LIN7A: variants seen among roughly 807,000 people sequenced by gnomAD.
LIN7A encodes the protein lin-7 cell polarity scaffold A.
In LIN7A, 25 loss-of-function variants were observed where a neutral mutation model predicts 29.8. The observed-to-expected ratio is 0.84, with a 90% CI of 0.61 to 1.17. LIN7A has a LOEUF of 1.17. Among genes scored for constraint, LIN7A ranks in the 50% most tolerant of loss-of-function variants. LIN7A has a pLI of 0.00. For synonymous variants in LIN7A, 118 were observed against 107.5 expected (o/e 1.10, Z -0.60); for missense variants, 239 against 287.0 (o/e 0.83, Z 1.21).
intron 5 of LIN7A, among the ~76,000 whole-genome samples, chr12:80,804,755 T>C (rs1870896161): frequency 6.6e-6 from 1 of 152,034 alleles, no homozygotes; most frequent in South Asian, 2.1e-4. Flanking sequence ...GGTTTTGCCA[T>C]GTTGGCCAGG....
chr12:80,844,320 T>C (rs959607202), intron 4 of LIN7A, among the ~76,000 whole-genome samples: 4 of 152,170 alleles, frequency 2.6e-5, no homozygotes, highest in Non-Finnish European at 4.4e-5. Flanking sequence ...TAGAAAATAT[T>C]CATGGGTTGA....
Position 80,892,954 on chromosome 12 carries a change from G to T in LIN7A, c.83-3585C>A, listed in dbSNP as rs1565918386. On this transcript the variant is annotated intron_variant, in intron 1 of 5. Transcript: ENST00000552864. ...ATGTGTTTAAGAATCACCCAGAAAA[G>T]CTTATTGAAATGCAGATGCCTAATC... Among the ~76,000 whole-genome samples, 3 of 152,140 alleles carry T rather than the reference G, an allele frequency of 2.0e-5. No individual in the cohort carries two copies. In the South Asian group the frequency reaches 6.2e-4, roughly 31 times the overall value.
intron 2 of LIN7A, among the ~76,000 whole-genome samples, chr12:80,864,720 AT>A (rs1220755554): frequency 3.9e-5 from 6 of 152,198 alleles, no homozygotes; most frequent in African/African-American, 1.4e-4. Context: ...AAAACGCAAC[AT>A]TTTTTAATGT....
intron 1 of LIN7A, among the ~76,000 whole-genome samples, chr12:80,917,116 G>A (rs565628002): frequency 2.3e-4 from 35 of 152,172 alleles, no homozygotes; most frequent in African/African-American, 7.2e-4. Context: ...TTTGGGTAGA[G>A]ACTGAATGAA....
chr12:80,923,875 A>C (rs1877442993), intron 1 of LIN7A, among the ~76,000 whole-genome samples: 2 of 152,198 alleles, frequency 1.3e-5, no homozygotes, highest in African/African-American at 4.8e-5. Context: ...AATTCTTCAA[A>C]ATACAAATAA....
At chr12:80,856,116 A>C (rs1173563556) in intron 2 of LIN7A, among the ~76,000 whole-genome samples, 1 of 152,158 alleles carries the variant, frequency 6.6e-6, no homozygotes, top group African/African-American at 2.4e-5. Flanking sequence ...AAAAAAGAAA[A>C]ATTAAATGGC....
At chr12:80,919,012 CA>C (rs528042551) in intron 1 of LIN7A, among the ~76,000 whole-genome samples, 105 of 152,296 alleles carry the variant, frequency 6.9e-4, no homozygotes, top group Non-Finnish European at 1.1e-3. Context: ...TAGGCTATAC[CA>C]AACAGCCTAG....
chr12:80,919,278 G>C (rs971953985), intron 1 of LIN7A, among the ~76,000 whole-genome samples: 4 of 152,304 alleles, frequency 2.6e-5, no homozygotes, highest in African/African-American at 7.2e-5. Flanking sequence ...CATATTGTAT[G>C]AGTTAACGTT....
intron 1 of LIN7A, among the ~76,000 whole-genome samples, chr12:80,923,806 A>T (rs1428379264): frequency 3.3e-5 from 5 of 152,232 alleles, no homozygotes; most frequent in African/African-American, 1.2e-4. Context: ...TAAGTTCTCA[A>T]GAATCAACCA....
intron 5 of LIN7A, among the ~76,000 whole-genome samples, chr12:80,806,340 T>C (rs1289695441): frequency 1.3e-5 from 2 of 152,204 alleles, no homozygotes; most frequent in South Asian, 2.1e-4. Flanking sequence ...GAAAATGTAA[T>C]GTGTATCCTT....
intron 5 of LIN7A, among the ~76,000 whole-genome samples, chr12:80,798,449 G>A (rs949994784): frequency 6.6e-6 from 1 of 152,074 alleles, no homozygotes; most frequent in Non-Finnish European, 1.5e-5. Context: ...CAGCTGTCAT[G>A]CTTTAAAGAG....
At chr12:80,882,536 G>A (rs1248150511) in intron 2 of LIN7A, among the ~76,000 whole-genome samples, 2 of 151,248 alleles carry the variant, frequency 1.3e-5, no homozygotes, top group African/African-American at 4.9e-5. Context: ...CGCCCGCCTC[G>A]GCCTCCCAAA....
chr12:80,881,418 T>C (rs1327828398), intron 2 of LIN7A, among the ~76,000 whole-genome samples: 2 of 152,196 alleles, frequency 1.3e-5, no homozygotes, highest in Non-Finnish European at 2.9e-5. Flanking sequence ...GCATTTTCAT[T>C]AATTCTGATG....
At chr12:80,899,913 G>A (rs947987209) in intron 1 of LIN7A, among the ~76,000 whole-genome samples, 5 of 150,940 alleles carry the variant, frequency 3.3e-5, no homozygotes, top group South Asian at 2.1e-4. Flanking sequence ...GACTACAGGC[G>A]CCCGCCACAA....
chr12:80,843,860 G>T (rs1375224954), intron 4 of LIN7A, among the ~76,000 whole-genome samples: 3 of 152,040 alleles, frequency 2.0e-5, no homozygotes, highest in Admixed American at 2.0e-4. Flanking sequence ...TCATTGCAAG[G>T]AATGGGTAAG....
intron 4 of LIN7A, chr12:80,832,739 A>G (rs1425906931): frequency 2.4e-6 from 1 of 424,500 alleles, no homozygotes; most frequent in Admixed American, 3.7e-5. Context: ...ATTCATATTT[A>G]TGGCATAGTG....
At chr12:80,821,100 T>C (rs749023246) in intron 4 of LIN7A, among the ~76,000 whole-genome samples, 5 of 152,120 alleles carry the variant, frequency 3.3e-5, no homozygotes, top group Non-Finnish European at 5.9e-5. Flanking sequence ...AAAATGCAAA[T>C]ACATCTTAGC....
At chr12:80,905,221 G>T (rs1876415035) in intron 1 of LIN7A, among the ~76,000 whole-genome samples, 1 of 151,002 alleles carries the variant, frequency 6.6e-6, no homozygotes, top group Non-Finnish European at 1.5e-5. Context: ...GCAGAGTGTG[G>T]CTCTGTCACC....
intron 1 of LIN7A, among the ~76,000 whole-genome samples, chr12:80,903,128 T>G: frequency 6.6e-6 from 1 of 151,850 alleles, no homozygotes. Flanking sequence ...TGTACTGCTT[T>G]AATATTTAAA....
Sources: gnomAD v4.1 joint callset for allele counts (sites outside exome capture counted in the v4.1 genomes callset) on GRCh38, gnomAD v4.1.1 for gene constraint, MANE v1.5 for transcripts, NCBI Gene and HGNC (gene_info 2026-07-23, HGNC 2026-07-21) for gene names.